Variants in NOTCH2 observed in about 807,000 individuals in gnomAD.
NOTCH2 encodes notch receptor 2.
In NOTCH2, 29 loss-of-function variants were observed where a neutral mutation model predicts 235.8. The observed-to-expected ratio is 0.12, with a 90% CI of 0.09 to 0.17. The LOEUF (loss-of-function observed/expected upper bound fraction) is 0.17. Ranked by LOEUF, NOTCH2 falls within the 10% of genes least tolerant of loss-of-function variation. The probability of loss-of-function intolerance (pLI) is 1.00; values close to 1 mark genes in which losing one functional copy is unlikely to be tolerated. For synonymous variants in NOTCH2, 1,086 were observed against 1,141.5 expected (o/e 0.95, Z 0.98); for missense variants, 2,285 against 3,150.2 (o/e 0.73, Z 6.57).
chr1:119,995,800 G>A (rs1553204004), intron 4 of NOTCH2: 3 of 152,172 alleles, frequency 2.0e-5, no homozygotes, highest in African/African-American at 7.2e-5. Context: ...ACATAGCATG[G>A]TGCCTAGAAC....
intron 17 of NOTCH2, among the ~76,000 whole-genome samples, chr1:119,943,839 G>A (rs587679785): frequency 5.3e-5 from 8 of 152,030 alleles, no homozygotes; most frequent in Non-Finnish European, 1.2e-4. Context: ...ATTCAAGAAG[G>A]AAATAAAAGC....
Position 119,920,104 on chromosome 1 carries a change from G to C in NOTCH2, c.5479+125C>G, listed in dbSNP as rs587731895. ...ACATTCCTTAAGCATTCATTTCCTC[G>C]AGCTGATTTAGAGTCTGTGAAATTG... On this transcript the variant is annotated intron_variant, in intron 30 of 33. Transcript: ENST00000256646. The C allele has an allele frequency of 1.8e-4, 186 of 1,009,874 alleles. No homozygotes were observed. In the African/African-American group the frequency reaches 2.7e-3, roughly 15 times the overall value. The allele number at this position is 1,009,874 out of a possible 1,614,324, so 62.6% of individuals were successfully genotyped here.
At position 119,925,297 on chromosome 1, in the gene NOTCH2, G is replaced by A; in HGVS notation, c.4511+8C>T. On this transcript the variant is annotated splice_region_variant and intron_variant, in intron 25 of 33. Transcript: ENST00000256646. ...CCCCTTCAGTTCTGGAAAACGTGAA[G>A]CCCTTACTTGCATGTCTTGCTGTTC... The A allele has an allele frequency of 6.2e-7, 1 of 1,613,388 alleles. No individual in the cohort carries two copies. Among genetic ancestry groups the A allele is most frequent in the South Asian group, 1.1e-5 (1 of 91,038 alleles).
rs1226002114 is a variant in NOTCH2 at position 119,926,599 on chromosome 1, T to C, written c.3905A>G (p.Glu1302Gly). 6.2e-7 allele frequency: 1 copy of C among 1,607,394 alleles called. No individual in the cohort carries two copies. The highest frequency in any genetic ancestry group is 8.5e-7 in the Non-Finnish European group (1 of 1,176,250). The change falls in exon 24 of 34, where the codon GAA (glutamate) becomes GGA (glycine). Residue 1302 changes from glutamate to glycine, a missense_variant. Coordinates refer to ENST00000256646, the MANE Select transcript of NOTCH2 (RefSeq NM_024408.4). ...CRSAFTGRHCETFVDVCPQMP... is the reference protein window; with the variant it reads ...CRSAFTGRHCGTFVDVCPQMP... ...CTGGGGACACACATCGACGAAGGTT[T>C]CACAGTGCCGGCCTCAGAAAATAAA...
chr1:119,948,037 T>C (rs1000781179), intron 17 of NOTCH2, among the ~76,000 whole-genome samples: 7 of 152,198 alleles, frequency 4.6e-5, no homozygotes, highest in South Asian at 2.1e-4. Context: ...GTGACAAATA[T>C]GTTTATTATT....
At position 119,915,337 on chromosome 1, in the gene NOTCH2, G is replaced by T. The variant is rs1404382819; in HGVS notation, c.7385C>A (p.Pro2462Gln). ...QRGPGTHMSE[P>Q]PHNNMQVYA is the part of the protein sequence containing the mutation. Reference sequence around the variant, plus strand: ...ATAAACCTGCATGTTGTTGTGTGGTGGCTCAGACATGTGTGTCCCAGGTCC... The same window carrying T: ...ATAAACCTGCATGTTGTTGTGTGGTTGCTCAGACATGTGTGTCCCAGGTCC... The change falls in exon 34 of 34, where the codon CCA becomes CAA. Residue 2462 changes from proline to glutamine, a missense_variant. By Grantham distance (76) the Pro-to-Gln change is moderately conservative. Coordinates refer to ENST00000256646, the MANE Select transcript of NOTCH2 (RefSeq NM_024408.4). The T allele has an allele frequency of 6.2e-7, 1 of 1,613,716 alleles. No individual in the cohort carries two copies. The highest frequency in any genetic ancestry group is 2.2e-5 in the East Asian group (1 of 44,894).
chr1:119,926,089 G>A (rs1359877560), intron 24 of NOTCH2, among the ~76,000 whole-genome samples: 3 of 152,162 alleles, frequency 2.0e-5, no homozygotes, highest in Admixed American at 2.0e-4. Flanking sequence ...CTTCCAAATG[G>A]TTCCTGCTAA....
chr1:119,954,088 G>A (rs782710996), intron 13 of NOTCH2, among the ~76,000 whole-genome samples: 1 of 152,050 alleles, frequency 6.6e-6, no homozygotes, highest in Non-Finnish European at 1.5e-5. Flanking sequence ...TCACTGTCAG[G>A]GACCCTGAGC....
At position 119,918,516 on chromosome 1, in the gene NOTCH2, C is replaced by T. The variant is rs1370908845; in HGVS notation, c.5819G>A (p.Arg1940Lys). 1 of 1,614,180 alleles carries T rather than the reference C, an allele frequency of 6.2e-7. No homozygotes were observed. ...CAGGGGTGTAGTACCATCATTCATC[C>T]TGGCATCTAGATCAGTTACTCGGTT... ...IRNRVTDLDA[R>K]MNDGTTPLIL... is the part of the protein sequence containing the mutation. Residue 1940 changes from arginine to lysine, a missense_variant, in exon 32 of 34, where the codon AGG becomes AAG. Transcript: ENST00000256646.
chr1:119,941,501 G>C, intron 18 of NOTCH2, 25 bp downstream of exon 18: 1 of 1,506,662 alleles, frequency 6.6e-7, no homozygotes, highest in Non-Finnish European at 9.2e-7. Flanking sequence ...GTAAGATGCT[G>C]ATGCCCGAGG....
At chr1:119,963,340 C>T (rs1458729725) in intron 11 of NOTCH2, among the ~76,000 whole-genome samples, 4 of 152,042 alleles carry the variant, frequency 2.6e-5, no homozygotes, top group Non-Finnish European at 2.9e-5. Context: ...TTTAACAAAA[C>T]ACACACAAAC....
At chr1:119,978,413 G>A (rs1553201232) in intron 5 of NOTCH2, among the ~76,000 whole-genome samples, 1 of 152,178 alleles carries the variant, frequency 6.6e-6, no homozygotes, top group Non-Finnish European at 1.5e-5. Flanking sequence ...GCATGTTTCA[G>A]AAAGTCCACT....
intron 15 of NOTCH2, 46 bp from the exon 16 acceptor site, chr1:119,949,172 A>G: frequency 6.2e-7 from 1 of 1,612,504 alleles, no homozygotes; most frequent in Non-Finnish European, 8.5e-7. Flanking sequence ...CAGGTAAGAA[A>G]ACGAAAATTT....
intron 4 of NOTCH2, 68 bp from the exon 5 acceptor site, chr1:119,987,150 C>A (rs1198321764): frequency 1.3e-6 from 2 of 1,590,694 alleles, no homozygotes; most frequent in Non-Finnish European, 1.7e-6. Flanking sequence ...TCTGTTCCCA[C>A]AGAACATGGT....
At position 119,920,219 on chromosome 1, in the gene NOTCH2, C is replaced by T. The variant is rs766307111; in HGVS notation, c.5479+10G>A. 20 of 1,613,706 alleles carry T rather than the reference C, an allele frequency of 1.2e-5. No homozygotes were observed. The highest frequency in any genetic ancestry group is 8.9e-5 in the East Asian group (4 of 44,888). On this transcript the variant is annotated intron_variant, in intron 30 of 33. Coordinates refer to ENST00000256646, the MANE Select transcript of NOTCH2 (RefSeq NM_024408.4). ...AGCCCAGTGAAGAGGGGAAGAGGCC[C>T]GGTGCTGACCTGGGCCACGGACATT... is the stretch of plus-strand genomic sequence containing the variant.
chr1:119,967,392 T>G, intron 8 of NOTCH2, 41 bp downstream of exon 8: 1 of 1,556,128 alleles, frequency 6.4e-7, no homozygotes, highest in Non-Finnish European at 8.9e-7. Context: ...TTCAGAACAG[T>G]CCCTCCTCTC....
intron 17 of NOTCH2, among the ~76,000 whole-genome samples, chr1:119,946,867 C>A (rs1217342272): frequency 6.6e-6 from 1 of 151,998 alleles, no homozygotes; most frequent in South Asian, 2.1e-4. Flanking sequence ...AATTAAAAGG[C>A]ATAAGGGTTA....
intron 1 of NOTCH2, among the ~76,000 whole-genome samples, chr1:120,033,293 C>T (rs61788902): frequency 2.7e-5 from 3 of 111,534 alleles, no homozygotes; most frequent in Non-Finnish European, 5.6e-5. Flanking sequence ...CGCCAGTAAT[C>T]GCAGCTACTC....
chr1:120,066,132 G>A (rs1234786836), intron 1 of NOTCH2, among the ~76,000 whole-genome samples: 2 of 152,108 alleles, frequency 1.3e-5, no homozygotes, highest in Non-Finnish European at 2.9e-5. Context: ...CAGATAAATA[G>A]AAGAAATGAC....
Sources: gnomAD v4.1 joint callset for allele counts (sites outside exome capture counted in the v4.1 genomes callset) on GRCh38, gnomAD v4.1.1 for gene constraint, MANE v1.5 for transcripts, NCBI Gene and HGNC (gene_info 2026-07-23, HGNC 2026-07-21) for gene names.